GABRB3: variants seen among roughly 807,000 people sequenced by gnomAD.
The protein encoded by GABRB3 is gamma-aminobutyric acid receptor subunit beta-3.
In GABRB3, 14 loss-of-function variants were observed where a neutral mutation model predicts 52.1. The observed-to-expected ratio is 0.27, with a 90% CI of 0.18 to 0.42. The LOEUF is 0.42. Ranked by LOEUF, GABRB3 falls within the 10% of genes least tolerant of loss-of-function variation. The pLI is 1.00. For synonymous variants in GABRB3, 260 were observed against 232.3 expected, an observed-to-expected ratio of 1.12 and a Z score of -1.08; for missense variants, 307 against 609.1, an observed-to-expected ratio of 0.50 and a Z score of 5.22.
Position 26,621,732 on chromosome 15 carries a change from CTG to C in GABRB3, c.241-200_241-199del, listed in dbSNP as rs1164775696. On this transcript the variant is annotated intron_variant, in intron 3 of 8. Coordinates refer to ENST00000311550, the MANE Select transcript of GABRB3 (RefSeq NM_000814.6). This position sits in a 1 kb window ranked among gnomAD's most constrained non-coding sequence, Gnocchi z 4.1. ...TACCAGTTTTAATAGGTACATGAGT[CTG>C]TGTGTGTCACGTATAGATGTCCTCT... Among the ~76,000 whole-genome samples the C allele has an allele frequency of 1.3e-5, 2 of 152,278 alleles. No individual in the cohort carries two copies. The highest frequency in any genetic ancestry group is 2.1e-4 in the South Asian group (1 of 4,826).
intron 3 of GABRB3, among the ~76,000 whole-genome samples, chr15:26,722,292 CAGCAAATGACCA>C (rs1889662479): frequency 1.3e-5 from 2 of 152,140 alleles, no homozygotes. Flanking sequence ...GAGACCTGAG[CAGCAAATGACCA>C]AGATCTCTGG....
rs761422251 is a variant in GABRB3, at chr15:26,772,924, G to A, written c.39C>T (p.Phe13=). 17 of 1,493,612 alleles carry A rather than the reference G, an allele frequency of 1.1e-5. No individual in the cohort carries two copies. The African/African-American group carries it at 1.6e-4, about 14-fold the overall frequency. The allele number at this position is 1,493,612 out of a possible 1,614,324, so 92.5% of individuals were successfully genotyped here. ...GLAGGRLFGI[F]SAPVLVAVVC... is the part of the protein sequence containing the mutation. ...CCACAGCCACCAGCACCGGGGCCGA[G>A]AAGATGCCGAAAAGCCTTCCTCCCG... Residue 13 remains phenylalanine (F), a synonymous_variant, in exon 1 of 9, where the codon TTC becomes TTT. Coordinates refer to ENST00000311550, the MANE Select transcript of GABRB3 (RefSeq NM_000814.6).
At chr15:26,667,153 A>G (rs1430645762) in intron 3 of GABRB3, among the ~76,000 whole-genome samples, 1 of 152,200 alleles carries the variant, frequency 6.6e-6, no homozygotes, top group Non-Finnish European at 1.5e-5. Flanking sequence ...TCTCTGTTCT[A>G]CAGTGAAGGA....
rs185165389 is a variant in GABRB3 at position 26,609,418 on chromosome 15, T to C, written c.461+11896A>G. On this transcript the variant is annotated intron_variant, in intron 4 of 8. Coordinates refer to ENST00000311550, the MANE Select transcript of GABRB3 (RefSeq NM_000814.6). ...CATTATGTGAACAAACTATATCTAGTTTATTTTTGGTTGAATACAATAATT... is the reference window on the plus strand; with the variant it reads ...CATTATGTGAACAAACTATATCTAGCTTATTTTTGGTTGAATACAATAATT... 1.5e-3 allele frequency among the ~76,000 whole-genome samples: 235 copies of C among 152,244 alleles called. 1 individual carries two copies. The highest frequency in any genetic ancestry group is 5.4e-3 in the African/African-American group (224 of 41,550).
Position 26,764,768 on chromosome 15 carries a change from C to A in GABRB3, c.240+7634G>T, listed in dbSNP as rs189990266. Among the ~76,000 whole-genome samples the A allele has an allele frequency of 5.8e-4, 88 of 152,288 alleles. 1 individual carries two copies. The highest frequency in any genetic ancestry group is 2.0e-3 in the African/African-American group (85 of 41,564). ...GAAACTTGCAAACAAATGAAAACCA[C>A]CTCTGCTCCACGGCACTGCTGAGTG... On this transcript the variant is annotated intron_variant, in intron 3 of 8. Coordinates refer to ENST00000311550, the MANE Select transcript of GABRB3 (RefSeq NM_000814.6).
intron 3 of GABRB3, among the ~76,000 whole-genome samples, chr15:26,711,710 G>GC: frequency 6.6e-6 from 1 of 152,296 alleles, no homozygotes; most frequent in Admixed American, 6.5e-5. Flanking sequence ...GGCTCTGGTT[G>GC]CCGCTAGCAT....
chr15:26,683,732 G>A lies in GABRB3; in HGVS notation c.241-62198C>T, dbSNP rs1024010332. ...TGCTCCTAGGGGGCAGGGTCGGGGGGAACAAAACACAAACAACCTGTTAGC... is the reference window on the plus strand; with the variant it reads ...TGCTCCTAGGGGGCAGGGTCGGGGGAAACAAAACACAAACAACCTGTTAGC... On this transcript the variant is annotated intron_variant, in intron 3 of 8. Transcript: ENST00000311550. Among the ~76,000 whole-genome samples, 146 of 151,910 alleles carry A rather than the reference G, an allele frequency of 9.6e-4. 1 individual carries two copies. Among genetic ancestry groups the A allele is most frequent in the Non-Finnish European group, 1.9e-3 (127 of 67,970 alleles).
In GABRB3 at chr15:26,642,657, A is replaced by AC. The variant is rs537452410; in HGVS notation, c.241-21124dup. 1,229 of 429,346 alleles carry AC rather than the reference A, an allele frequency of 2.9e-3. 2 individuals carry two copies. The highest frequency in any genetic ancestry group is 3.8e-3 in the Non-Finnish European group (837 of 217,660). The allele number at this position is 429,346 out of a possible 1,614,324, so 26.6% of individuals were successfully genotyped here. ...CATATATAAGCATATATGTAAGTGT[A>AC]CCCCCCCGCACACACACACCAAAGC... On this transcript the variant is annotated intron_variant, in intron 3 of 8. Coordinates refer to ENST00000311550, the MANE Select transcript of GABRB3 (RefSeq NM_000814.6).
chr15:26,722,316 C>T (rs60778271), intron 3 of GABRB3, among the ~76,000 whole-genome samples: 4,368 of 152,138 alleles, frequency 0.029, 186 homozygotes, highest in African/African-American at 0.097. Context: ...GATCTCTGGA[C>T]GGCTGTTTGG....
At chr15:26,645,474 C>A (rs1167627203) in intron 3 of GABRB3, among the ~76,000 whole-genome samples, 3 of 152,142 alleles carry the variant, frequency 2.0e-5, no homozygotes, top group African/African-American at 7.2e-5. Context: ...CTCAATAGCA[C>A]CTTATGGACA....
chr15:26,564,345 G>A (rs1031862167), intron 7 of GABRB3, among the ~76,000 whole-genome samples: 3 of 152,130 alleles, frequency 2.0e-5, no homozygotes, highest in Admixed American at 6.5e-5. Flanking sequence ...GGTCGTTAAC[G>A]CTAACAGTTC....
intron 3 of GABRB3, among the ~76,000 whole-genome samples, chr15:26,676,344 G>A (rs1340837783): frequency 6.6e-6 from 1 of 152,132 alleles, no homozygotes; most frequent in Non-Finnish European, 1.5e-5. Context: ...GGGGGTGGAA[G>A]GCTGGCTCAG....
At chr15:26,681,293 A>G (rs1310269095) in intron 3 of GABRB3, among the ~76,000 whole-genome samples, 1 of 152,206 alleles carries the variant, frequency 6.6e-6, no homozygotes, top group African/African-American at 2.4e-5. Context: ...GAGAAAATCA[A>G]TGCAAGTTTC....
At chr15:26,629,194 G>C (rs1237557971) in intron 3 of GABRB3, 1 of 1,455,218 alleles carries the variant, frequency 6.9e-7, no homozygotes, top group South Asian at 1.4e-5. Flanking sequence ...GGAGGGCTTT[G>C]CGAAGCGGCG....
At chr15:26,588,293 A>G (rs74645451) in intron 4 of GABRB3, among the ~76,000 whole-genome samples, 32 of 152,326 alleles carry the variant, frequency 2.1e-4, no homozygotes, top group African/African-American at 7.5e-4. Flanking sequence ...GACAACCACC[A>G]GTCATATCTG....
intron 4 of GABRB3, among the ~76,000 whole-genome samples, chr15:26,606,784 A>ATATCGATAGATAGATC (rs1566770557): frequency 1.2e-4 from 13 of 105,682 alleles, no homozygotes; most frequent in Non-Finnish European, 2.9e-4. Flanking sequence ...ATAGATAGAT[A>ATATCGATAGATAGATC]TATCTATAGA....
chr15:26,625,031 C>G, intron 3 of GABRB3: 11 of 924,206 alleles, frequency 1.2e-5, no homozygotes, highest in Non-Finnish European at 1.4e-5. Context: ...GATGAAGTAA[C>G]AAAAATTGAA....
At chr15:26,645,996 C>A (rs55681659) in intron 3 of GABRB3, among the ~76,000 whole-genome samples, 1 of 151,790 alleles carries the variant, frequency 6.6e-6, no homozygotes, top group Non-Finnish European at 1.5e-5. Flanking sequence ...TATGAAAAAT[C>A]ATTTTCCACA....
At chr15:26,640,826 C>A (rs1893181244) in intron 3 of GABRB3, among the ~76,000 whole-genome samples, 1 of 152,222 alleles carries the variant, frequency 6.6e-6, no homozygotes, top group Non-Finnish European at 1.5e-5. Flanking sequence ...TGGAATTGTG[C>A]ATGCCAGATT....
Sources: allele counts gnomAD v4.1 joint callset (sites outside exome capture counted in the v4.1 genomes callset), GRCh38; gene constraint gnomAD v4.1.1; non-coding constraint Gnocchi (gnomAD v3.1); transcripts MANE v1.5; gene names NCBI Gene and HGNC (gene_info 2026-07-23, HGNC 2026-07-21).